The following DHTKD1 variants were observed in gnomAD, a reference collection of about 807,000 sequenced individuals.
DHTKD1 encodes the protein 2-oxoadipate dehydrogenase complex component E1.
A neutral mutation model predicts 101.8 loss-of-function variants in DHTKD1; 78 were observed. That is an observed-to-expected ratio of 0.77 (90% CI 0.64 to 0.93). DHTKD1 has a LOEUF of 0.93. Ranked by LOEUF, DHTKD1 falls within the 40% of genes least tolerant of loss-of-function variation. DHTKD1 has a pLI of 0.00. For synonymous variants in DHTKD1, 462 were observed against 450.3 expected, an observed-to-expected ratio of 1.03 and a Z score of -0.33; for missense variants, 1,223 against 1,161.7, an observed-to-expected ratio of 1.05 and a Z score of -0.77.
At chr10:12,081,363 AT>A in intron 1 of DHTKD1, 108 bp from the exon 2 acceptor site, 24 of 852,440 alleles carry the variant, frequency 2.8e-5, no homozygotes, top group African/African-American at 5.1e-5. Flanking sequence ...AAATAAATAA[AT>A]AAAAAGTAAG....
intron 10 of DHTKD1, among the ~76,000 whole-genome samples, chr10:12,105,555 C>T (rs369402649): frequency 1.7e-4 from 26 of 151,912 alleles, no homozygotes; most frequent in Admixed American, 6.6e-5. Context: ...TGTGCTCAAG[C>T]GATCCTCCCA....
At chr10:12,113,192 C>A in intron 13 of DHTKD1, 128 bp downstream of exon 13, 1 of 938,448 alleles carries the variant, frequency 1.1e-6, no homozygotes, top group Non-Finnish European at 1.5e-6. Flanking sequence ...GACTTTGCTA[C>A]TTTCATTTTT....
intron 15 of DHTKD1, among the ~76,000 whole-genome samples, chr10:12,119,398 G>A (rs765264593): frequency 1.1e-4 from 17 of 149,992 alleles, no homozygotes; most frequent in Admixed American, 1.0e-3. Context: ...GGCGGATCAC[G>A]AGGTCAGGAG....
chr10:12,075,003 G>C (rs1451068048), intron 1 of DHTKD1, among the ~76,000 whole-genome samples: 1 of 152,058 alleles, frequency 6.6e-6, no homozygotes, highest in Non-Finnish European at 1.5e-5. Flanking sequence ...GCATGTGCCT[G>C]TGGAGGCTGA....
intron 9 of DHTKD1, 138 bp downstream of exon 9, chr10:12,100,400 C>T: frequency 1.9e-6 from 1 of 515,208 alleles, no homozygotes. Context: ...GCCCCAGCCT[C>T]CCAAGTAGGG....
intron 12 of DHTKD1, among the ~76,000 whole-genome samples, chr10:12,109,198 C>G (rs1042816792): frequency 2.0e-5 from 3 of 151,722 alleles, no homozygotes; most frequent in African/African-American, 7.3e-5. Context: ...ATACATGTCA[C>G]CCCAAGTACT....
In DHTKD1 at chr10:12,119,442, C is replaced by G. The variant is rs185954561; in HGVS notation, c.2572+524C>G. ...CATCCTGGCTAACACAGTGAAACCC[C>G]GTCTCTACTGAAAATACAAAAAAAT... On this transcript the variant is annotated intron_variant, in intron 15 of 16. Coordinates refer to ENST00000263035, the MANE Select transcript of DHTKD1 (RefSeq NM_018706.7). Among the ~76,000 whole-genome samples, 1,465 of 150,964 alleles carry G rather than the reference C, an allele frequency of 9.7e-3. 25 individuals are homozygous for G. Among genetic ancestry groups the G allele is most frequent in the African/African-American group, 0.034 (1,399 of 40,998 alleles).
rs754097253 is a variant in DHTKD1, at chr10:12,117,671, A to T, written c.2320-2A>T. ...GGATGTGTGGCCTCTTCTCCCTCGT[A>T]GGCAGCCGTGTCAACTCTTCAAGAA... On this transcript the variant is annotated splice_acceptor_variant, in intron 13 of 16. Coordinates refer to ENST00000263035, the MANE Select transcript of DHTKD1 (RefSeq NM_018706.7). LOFTEE classifies it high-confidence loss of function. 12 of 1,583,226 alleles carry T rather than the reference A, an allele frequency of 7.6e-6. No homozygotes were observed. The Admixed American group carries it at 2.1e-4, about 27-fold the overall frequency.
chr10:12,095,665 T>G (rs1187822512), intron 7 of DHTKD1, among the ~76,000 whole-genome samples: 1 of 151,440 alleles, frequency 6.6e-6, no homozygotes, highest in Admixed American at 6.6e-5. Context: ...TACAAAAAAT[T>G]AGCCGGGCGT....
At position 12,120,291 on chromosome 10, in the gene DHTKD1, G is replaced by T. The variant is rs1361724821; in HGVS notation, c.2658+24G>T. 3.9e-6 allele frequency: 6 copies of T among 1,525,326 alleles called. 1 individual carries two copies. In the African/African-American group the frequency reaches 5.5e-5, roughly 14 times the overall value. 94.5% of individuals were successfully genotyped at this position (1,525,326 alleles called of 1,614,324 possible). ...AGGTAATCACACGTTTTCTCTGGTA[G>T]TGTTTTGTGTTTTGTGTGCATGTTG... is the stretch of plus-strand genomic sequence containing the variant. On this transcript the variant is annotated intron_variant, in intron 16 of 16. Transcript: ENST00000263035.
intron 10 of DHTKD1, 103 bp downstream of exon 10, chr10:12,101,284 A>G (rs1833166071): frequency 1.5e-6 from 2 of 1,347,098 alleles, no homozygotes; most frequent in Admixed American, 5.2e-5. Context: ...TGGGTTCAGT[A>G]CTTTTGGAAG....
intron 1 of DHTKD1, among the ~76,000 whole-genome samples, chr10:12,080,417 T>C (rs897201992): frequency 6.6e-6 from 1 of 151,278 alleles, no homozygotes; most frequent in Non-Finnish European, 1.5e-5. Flanking sequence ...ACCTTATAAG[T>C]TTTAAAATAT....
At chr10:12,072,209 G>A (rs943179021) in intron 1 of DHTKD1, among the ~76,000 whole-genome samples, 19 of 152,204 alleles carry the variant, frequency 1.2e-4, no homozygotes, top group Admixed American at 6.6e-5. Flanking sequence ...GCTCATGCCT[G>A]TAATCCCAGC....
At chr10:12,070,535 C>A (rs1345382179) in intron 1 of DHTKD1, among the ~76,000 whole-genome samples, 1 of 152,196 alleles carries the variant, frequency 6.6e-6, no homozygotes, top group Non-Finnish European at 1.5e-5. Flanking sequence ...GTCGCCCAGG[C>A]TGGAGTGCAG....
rs1554792993 is a variant in DHTKD1, at chr10:12,100,274, C to CTTTTTTTTTCTG, written c.1756+21_1756+22insCTGTTTTTTTTT. On this transcript the variant is annotated intron_variant, in intron 9 of 16. Coordinates refer to ENST00000263035, the MANE Select transcript of DHTKD1 (RefSeq NM_018706.7). ...TTTACTTGCTCAAGGTAAGAATTTTCTTTTTTTTTTCTGTTTTTTTTTTTT... is the reference window on the plus strand; with the variant it reads ...TTTACTTGCTCAAGGTAAGAATTTTCTTTTTTTTTCTGTTTTTTTTTTCTGTTTTTTTTTTTT... The CTTTTTTTTTCTG allele has an allele frequency of 3.4e-4, 120 of 352,604 alleles. 2 individuals are homozygous for CTTTTTTTTTCTG. The highest frequency in any genetic ancestry group is 2.2e-3 in the African/African-American group (48 of 21,366). 21.8% of individuals were successfully genotyped at this position (352,604 alleles called of 1,614,324 possible). A position where few individuals can be genotyped will look rare whatever the true frequency, so the allele number is the denominator to read the frequency against.
rs1471738483 is a variant in DHTKD1 at position 12,097,728 on chromosome 10, C to T, written c.1403C>T (p.Ala468Val). 7 of 1,613,942 alleles carry T rather than the reference C, an allele frequency of 4.3e-6. No homozygotes were observed. In the Admixed American group the frequency reaches 1.2e-4, roughly 27 times the overall value. The part of the protein sequence containing the change: ...IPDTYAEHLI[A>V]GGLMTQEEVS... ...GACACATATGCAGAGCACCTCATTG[C>T]TGGCGGACTCATGACGCAGGAGGAG... The change falls in exon 8 of 17, where the codon GCT becomes GTT. Residue 468 changes from alanine to valine, a missense_variant. Transcript: ENST00000263035.
In DHTKD1 at chr10:12,120,804, G is replaced by A. The variant is rs1274078716; in HGVS notation, c.2676G>A (p.Arg892=). The change falls in exon 17 of 17, where the codon CGG becomes CGA. Residue 892 remains arginine, a synonymous_variant. Coordinates refer to ENST00000263035, the MANE Select transcript of DHTKD1 (RefSeq NM_018706.7). The stretch of plus-strand genomic sequence containing the variant: ...ACTTATAGCTCCGTCTGGTGGGCCG[G>A]CCCCCTTTGCCAGTACCCGCTGTAG... ...QLACKLRLVG[R]PPLPVPAVGI... 3 of 1,613,818 alleles carry A rather than the reference G, an allele frequency of 1.9e-6. No homozygotes were observed. The highest frequency in any genetic ancestry group is 2.5e-6 in the Non-Finnish European group (3 of 1,179,916).
In DHTKD1 at chr10:12,122,800, C is replaced by T. The variant is rs985695941; in HGVS notation, c.*1912C>T. 23 of 152,172 alleles carry T rather than the reference C, an allele frequency of 1.5e-4. No individual in the cohort carries two copies. Among genetic ancestry groups the T allele is most frequent in the African/African-American group, 5.5e-4 (23 of 41,444 alleles). 9.4% of individuals were successfully genotyped at this position (152,172 alleles called of 1,614,324 possible). ...TAAACAGCGAACCATGTAGCTTCAC[C>T]TGACTCAGTGCTGGGGGCCTCTACC... On this transcript the variant is annotated 3_prime_UTR_variant, in exon 17 of 17. Transcript: ENST00000263035.
In DHTKD1 at chr10:12,103,374, C is replaced by A. The variant is rs1021438209; in HGVS notation, c.1896+2193C>A. On this transcript the variant is annotated intron_variant, in intron 10 of 16. Coordinates refer to ENST00000263035, the MANE Select transcript of DHTKD1 (RefSeq NM_018706.7). The surrounding 1 kb of genome is among the most constrained non-coding windows in gnomAD (Gnocchi z 4.8). ...TAATAGTATTGAATTTTGTAACTGA[C>A]CAGCATTCCCTTATCAATAATGGCT... 1.3e-5 allele frequency among the ~76,000 whole-genome samples: 2 copies of A among 152,064 alleles called. No homozygotes were observed. Among genetic ancestry groups the A allele is most frequent in the African/African-American group, 4.8e-5 (2 of 41,410 alleles).
Sources: allele counts gnomAD v4.1 joint callset (sites outside exome capture counted in the v4.1 genomes callset), GRCh38; gene constraint gnomAD v4.1.1; non-coding constraint Gnocchi (gnomAD v3.1); transcripts MANE v1.5; gene names NCBI Gene and HGNC (gene_info 2026-07-23, HGNC 2026-07-21).